CYP2E1: variants seen among roughly 807,000 people sequenced by gnomAD.
CYP2E1 encodes cytochrome P450 family 2 subfamily E member 1, also known as cytochrome P450 2E1.
Under a neutral mutation model 42.9 loss-of-function variants are expected in CYP2E1, and 31 were observed. That is an observed-to-expected ratio of 0.72 (90% CI 0.54 to 0.98). CYP2E1 has a LOEUF of 0.98. CYP2E1 is among the 50% of genes least tolerant of loss of function. CYP2E1 has a pLI of 0.00. For missense variants in CYP2E1, 565 were observed against 633.2 expected, an observed-to-expected ratio of 0.89 and a Z score of 1.16; for synonymous variants, 244 against 248.9, an observed-to-expected ratio of 0.98 and a Z score of 0.19.
At position 133,537,105 on chromosome 10, in the gene CYP2E1, G is replaced by A. The variant is rs759707874; in HGVS notation, c.1010G>A (p.Arg337Gln). 1.3e-4 allele frequency: 216 copies of A among 1,613,916 alleles called. No homozygotes were observed. Among genetic ancestry groups the A allele is most frequent in the Non-Finnish European group, 1.7e-4 (205 of 1,179,898 alleles). ...ATTGACAGGGTGATTGGGCCAAGCC[G>A]AATCCCTGCCATCAAGGATAGGCAA... The part of the protein sequence containing the change: ...EEIDRVIGPS[R>Q]IPAIKDRQEM... Residue 337 changes from arginine (R) to glutamine (Q), a missense_variant, in exon 7 of 9, where the codon CGA (arginine) becomes CAA (glutamine). By Grantham distance (43) the Arg-to-Gln change is conservative. Coordinates refer to ENST00000252945, the MANE Select transcript of CYP2E1 (RefSeq NM_000773.4).
At chr10:133,538,651 G>T in intron 8 of CYP2E1, 129 bp from the exon 9 acceptor site, 1 of 755,940 alleles carries the variant, frequency 1.3e-6, no homozygotes, top group Non-Finnish European at 2.2e-6. Flanking sequence ...GGCAGAGAAG[G>T]GTGAGTCCTG....
At position 133,532,234 on chromosome 10, in the gene CYP2E1, A is replaced by T. The variant is rs757401077; in HGVS notation, c.598A>T (p.Met200Leu). The T allele has an allele frequency of 6.2e-7, 1 of 1,613,926 alleles. No homozygotes were observed. The highest frequency in any genetic ancestry group is 8.5e-7 in the Non-Finnish European group (1 of 1,179,966). Residue 200 changes from methionine to leucine, a missense_variant, in exon 4 of 9, where the codon ATG (methionine) becomes TTG (leucine). Met to Leu is a conservative substitution (Grantham distance 15, BLOSUM62 2). Coordinates refer to ENST00000252945, the MANE Select transcript of CYP2E1 (RefSeq NM_000773.4). ...DYNDEKFLRL[M>L]YLFNENFHLL... ...CAATGATGAGAAGTTTCTAAGGCTG[A>T]TGTATTTGTTTAATGAGAACTTCCA...
chr10:133,535,697 C>G (rs1039114249), intron 6 of CYP2E1, among the ~76,000 whole-genome samples: 2 of 152,116 alleles, frequency 1.3e-5, no homozygotes, highest in Admixed American at 6.5e-5. Flanking sequence ...CCAAATTGAA[C>G]GTTTATTAAC....
Position 133,539,026 on chromosome 10 carries a change from G to A in CYP2E1, c.*62G>A. 7.3e-7 allele frequency: 1 copy of A among 1,374,266 alleles called. No individual in the cohort carries two copies. Among genetic ancestry groups the A allele is most frequent in the Non-Finnish European group, 9.9e-7 (1 of 1,014,020 alleles). 85.1% of individuals were successfully genotyped at this position (1,374,266 alleles called of 1,614,324 possible). A position where few individuals can be genotyped will look rare whatever the true frequency, so the allele number is the denominator to read the frequency against. ...CAAGTTTTCAAATTGTTTGAGGTCAGGATTTCTCAAACTGATTCCTTTCTT... is the reference window on the plus strand; with the variant it reads ...CAAGTTTTCAAATTGTTTGAGGTCAAGATTTCTCAAACTGATTCCTTTCTT... On this transcript the variant is annotated 3_prime_UTR_variant, in exon 9 of 9. Coordinates refer to ENST00000252945, the MANE Select transcript of CYP2E1 (RefSeq NM_000773.4).
At chr10:133,530,305 G>T (rs1308857228) in intron 2 of CYP2E1, among the ~76,000 whole-genome samples, 1 of 152,302 alleles carries the variant, frequency 6.6e-6, no homozygotes, top group East Asian at 1.9e-4. Flanking sequence ...AACGGAGAAA[G>T]TTTGGTTCCC....
intron 5 of CYP2E1, among the ~76,000 whole-genome samples, chr10:133,533,397 C>T (rs1851361369): frequency 6.6e-6 from 1 of 152,200 alleles, no homozygotes. Context: ...ATCTTCTCCA[C>T]CAGTTTGGCC....
chr10:133,528,423 G>C (rs1230266781), intron 1 of CYP2E1, 58 bp from the exon 2 acceptor site: 16 of 1,595,674 alleles, frequency 1.0e-5, no homozygotes, highest in South Asian at 2.2e-5. Flanking sequence ...GTGTGGCTTA[G>C]AGCCCCGCAC....
Position 133,528,464 on chromosome 10 carries a change from G to A in CYP2E1, c.178-17G>A, listed in dbSNP as rs1851298140. 9 of 1,611,488 alleles carry A rather than the reference G, an allele frequency of 5.6e-6. No homozygotes were observed. In the East Asian group the frequency reaches 2.0e-4, roughly 36 times the overall value. On this transcript the variant is annotated splice_polypyrimidine_tract_variant and intron_variant, in intron 1 of 8. Transcript: ENST00000252945. ...CGCCGCGCGGCGGGCCTGACTTCTA[G>A]CCACGGGTCTCCGCAGTTGGCCCAG...
intron 6 of CYP2E1, among the ~76,000 whole-genome samples, chr10:133,536,188 T>C (rs1589956294): frequency 6.6e-6 from 1 of 152,156 alleles, no homozygotes; most frequent in Non-Finnish European, 1.5e-5. Context: ...TATTCTCTGC[T>C]CTTGACATGA....
At position 133,527,381 on chromosome 10, in the gene CYP2E1, G is replaced by T; in HGVS notation, c.-15G>T. The stretch of plus-strand genomic sequence containing the variant: ...GGATTGTCTCCCGGGCTGGCAGCAG[G>T]GCCCCAGCGGCACCATGTCTGCCCT... On this transcript the variant is annotated 5_prime_UTR_variant, in exon 1 of 9. Coordinates refer to ENST00000252945, the MANE Select transcript of CYP2E1 (RefSeq NM_000773.4). The T allele has an allele frequency of 6.3e-7, 1 of 1,590,514 alleles. No individual in the cohort carries two copies. Among genetic ancestry groups the T allele is most frequent in the South Asian group, 1.1e-5 (1 of 89,784 alleles).
intron 7 of CYP2E1, 182 bp downstream of exon 7, chr10:133,537,432 G>C: frequency 1.5e-6 from 1 of 645,784 alleles, no homozygotes; most frequent in Non-Finnish European, 2.6e-6. Context: ...ACATTGGCCT[G>C]GTGACCAGAG....
In CYP2E1 at chr10:133,536,810, T is replaced by A. The variant is rs1419215623; in HGVS notation, c.968-253T>A. 3.3e-5 allele frequency among the ~76,000 whole-genome samples: 3 copies of A among 89,620 alleles called. No homozygotes were observed. The East Asian group carries it at 1.1e-3, about 32-fold the overall frequency. The allele number at this position is 89,620 out of a possible 152,430, so 58.8% of individuals were successfully genotyped here. A position where few individuals can be genotyped will look rare whatever the true frequency, so the allele number is the denominator to read the frequency against. ...GTGGATGGGAGGGTGGATGGATGGG[T>A]GGTTGGATGGATGGGTGGGTGGGTG... On this transcript the variant is annotated intron_variant, in intron 6 of 8. Coordinates refer to ENST00000252945, the MANE Select transcript of CYP2E1 (RefSeq NM_000773.4).
At chr10:133,538,159 T>C (rs1029297557) in intron 8 of CYP2E1, among the ~76,000 whole-genome samples, 1 of 152,198 alleles carries the variant, frequency 6.6e-6, no homozygotes, top group Admixed American at 6.5e-5. Context: ...CATCATTCAT[T>C]GCTAAATTTT....
At chr10:133,535,515 A>G (rs1397312085) in intron 6 of CYP2E1, among the ~76,000 whole-genome samples, 1 of 152,186 alleles carries the variant, frequency 6.6e-6, no homozygotes, top group African/African-American at 2.4e-5. Flanking sequence ...GAAGGAGCCA[A>G]AAGTTTAGGG....
In CYP2E1 at chr10:133,538,998, A is replaced by C; in HGVS notation, c.*34A>C. 2 of 1,531,452 alleles carry C rather than the reference A, an allele frequency of 1.3e-6. No homozygotes were observed. The highest frequency in any genetic ancestry group is 1.8e-6 in the Non-Finnish European group (2 of 1,136,750). The allele number at this position is 1,531,452 out of a possible 1,614,324, so 94.9% of individuals were successfully genotyped here. A position where few individuals can be genotyped will look rare whatever the true frequency, so the allele number is the denominator to read the frequency against. On this transcript the variant is annotated 3_prime_UTR_variant, in exon 9 of 9. Coordinates refer to ENST00000252945, the MANE Select transcript of CYP2E1 (RefSeq NM_000773.4). ...AGGACACCCTGAACCCCCCGCTTTC[A>C]AACAAGTTTTCAAATTGTTTGAGGT...
chr10:133,537,448 G>T, intron 7 of CYP2E1, 198 bp downstream of exon 7: 1 of 623,330 alleles, frequency 1.6e-6, no homozygotes. Context: ...CAGAGAGGTG[G>T]AGGAAATCTG....
chr10:133,534,577 G>A (rs1443623514), intron 6 of CYP2E1, among the ~76,000 whole-genome samples: 5 of 152,212 alleles, frequency 3.3e-5, no homozygotes, highest in African/African-American at 9.6e-5. Context: ...AAAGGGAGCT[G>A]CAGCCTGGCT....
rs142767992 is a variant in CYP2E1 at position 133,537,865 on chromosome 10, A to G, written c.1270A>G (p.Ser424Gly). Reference sequence around the variant, plus strand: ...GAATGAAAATGGAAAGTTCAAGTACAGTGACTATTTCAAGCCATTTTCCAC... The same window carrying G: ...GAATGAAAATGGAAAGTTCAAGTACGGTGACTATTTCAAGCCATTTTCCAC... ...FLNENGKFKY[S>G]DYFKPFSTGK... The change falls in exon 8 of 9, where the codon AGT becomes GGT. Residue 424 changes from serine (S) to glycine (G), a missense_variant. By Grantham distance (56) the Ser-to-Gly change is moderately conservative. Transcript: ENST00000252945. The G allele has an allele frequency of 3.1e-5, 50 of 1,613,858 alleles. No individual in the cohort carries two copies. The African/African-American group carries it at 5.5e-4, about 18-fold the overall frequency.
At chr10:133,529,541 A>G (rs986852329) in intron 2 of CYP2E1, among the ~76,000 whole-genome samples, 1 of 152,264 alleles carries the variant, frequency 6.6e-6, no homozygotes, top group African/African-American at 2.4e-5. Flanking sequence ...GCTGTGTGGA[A>G]TTTTTAAATC....
Sources: gnomAD v4.1 joint callset for allele counts (sites outside exome capture counted in the v4.1 genomes callset) on GRCh38, gnomAD v4.1.1 for gene constraint, MANE v1.5 for transcripts, NCBI Gene and HGNC (gene_info 2026-07-23, HGNC 2026-07-21) for gene names.